Variants in NDUFV2 observed in about 807,000 individuals in gnomAD.
NDUFV2 encodes NADH:ubiquinone oxidoreductase core subunit V2, also known as NADH dehydrogenase [ubiquinone] flavoprotein 2, mitochondrial.
NDUFV2 carries 18 observed loss-of-function variants against 31.6 expected under a neutral mutation model. The ratio of observed to expected loss-of-function variants is 0.57; its 90% confidence interval spans 0.39 to 0.84. The LOEUF (loss-of-function observed/expected upper bound fraction) is 0.84, where lower values mean the gene tolerates loss of function less well. Among genes scored for constraint, NDUFV2 ranks in the 40% least tolerant of loss-of-function variants. NDUFV2 has a pLI of 0.00. For missense variants in NDUFV2, 314 were observed against 303.6 expected, an observed-to-expected ratio of 1.03 and a Z score of -0.26; for synonymous variants, 83 against 99.8, an observed-to-expected ratio of 0.83 and a Z score of 1.01.
At chr18:9,111,430 CT>C (rs960855478) in intron 1 of NDUFV2, among the ~76,000 whole-genome samples, 60 of 150,628 alleles carry the variant, frequency 4.0e-4, no homozygotes, top group African/African-American at 9.0e-4. Context: ...TGAAGTACAT[CT>C]TTTTTTTTTC....
At chr18:9,125,100 G>T in intron 6 of NDUFV2, 117 bp downstream of exon 6, 1 of 1,115,178 alleles carries the variant, frequency 9.0e-7, no homozygotes, top group Non-Finnish European at 1.3e-6. Flanking sequence ...AGAAGAAATG[G>T]TTACCATAAA....
At chr18:9,105,610 A>G (rs1227132812) in intron 1 of NDUFV2, among the ~76,000 whole-genome samples, 1 of 152,196 alleles carries the variant, frequency 6.6e-6, no homozygotes, top group Non-Finnish European at 1.5e-5. Flanking sequence ...GGCATTTTCA[A>G]TTACAGATGC....
At chr18:9,108,084 A>G (rs1442009562) in intron 1 of NDUFV2, among the ~76,000 whole-genome samples, 2 of 152,218 alleles carry the variant, frequency 1.3e-5, no homozygotes, top group Non-Finnish European at 2.9e-5. Flanking sequence ...TTAGATATCT[A>G]AAGAATGTTT....
At chr18:9,124,138 G>C (rs375762245) in intron 5 of NDUFV2, among the ~76,000 whole-genome samples, 73 of 150,496 alleles carry the variant, frequency 4.9e-4, no homozygotes, top group African/African-American at 1.7e-3. Flanking sequence ...GCTTTTAAAG[G>C]AACAAGTCCA....
At chr18:9,110,410 A>G (rs1036926535) in intron 1 of NDUFV2, among the ~76,000 whole-genome samples, 26 of 152,170 alleles carry the variant, frequency 1.7e-4, no homozygotes, top group Admixed American at 1.3e-4. Flanking sequence ...CTGTAACTTG[A>G]TAGGGATGAA....
At chr18:9,119,682 TCAGAATCTA>T in intron 4 of NDUFV2, 92 bp downstream of exon 4, 1 of 1,101,204 alleles carries the variant, frequency 9.1e-7, no homozygotes, top group South Asian at 1.3e-5. Flanking sequence ...ATCTCCAGTG[TCAGAATCTA>T]GGATTTTGGA....
chr18:9,130,449 A>T (rs933778754), intron 7 of NDUFV2, among the ~76,000 whole-genome samples: 1 of 152,156 alleles, frequency 6.6e-6, no homozygotes, highest in South Asian at 2.1e-4. Flanking sequence ...ACTACCTCTT[A>T]TTTAAAAAGC....
chr18:9,104,949 A>AC, intron 1 of NDUFV2: 1 of 1,553,396 alleles, frequency 6.4e-7, no homozygotes, highest in Non-Finnish European at 8.8e-7. Context: ...AACAGACCTT[A>AC]CAGACAATTT....
intron 5 of NDUFV2, among the ~76,000 whole-genome samples, chr18:9,122,938 A>T (rs959728002): frequency 1.3e-5 from 2 of 152,204 alleles, no homozygotes; most frequent in Non-Finnish European, 2.9e-5. Context: ...AAGTTATAAA[A>T]TATTCGTTGT....
chr18:9,128,193 G>A (rs1325606048), intron 7 of NDUFV2, among the ~76,000 whole-genome samples: 1 of 152,026 alleles, frequency 6.6e-6, no homozygotes, highest in African/African-American at 2.4e-5. Context: ...GTATTCTAAT[G>A]TTTTAAAACA....
At chr18:9,105,801 C>G (rs1191405863) in intron 1 of NDUFV2, among the ~76,000 whole-genome samples, 2 of 152,322 alleles carry the variant, frequency 1.3e-5, no homozygotes, top group East Asian at 3.9e-4. Context: ...AGCGACCCAT[C>G]TGTATTGTGT....
At chr18:9,111,909 T>C (rs2077872334) in intron 1 of NDUFV2, among the ~76,000 whole-genome samples, 1 of 151,742 alleles carries the variant, frequency 6.6e-6, no homozygotes, top group Non-Finnish European at 1.5e-5. Context: ...CCTTCAGAGG[T>C]GCTAGAATGT....
intron 7 of NDUFV2, among the ~76,000 whole-genome samples, chr18:9,131,987 T>C (rs899534268): frequency 6.6e-6 from 1 of 151,824 alleles, no homozygotes; most frequent in Non-Finnish European, 1.5e-5. Context: ...AATTATAGGC[T>C]TTATTGGAGG....
At position 9,124,904 on chromosome 18, in the gene NDUFV2, A is replaced by C; in HGVS notation, c.500A>C (p.Lys167Thr). The C allele has an allele frequency of 6.2e-7, 1 of 1,613,066 alleles. No individual in the cohort carries two copies. The change falls in exon 6 of 8, where the codon AAA (lysine) becomes ACA (threonine). Residue 167 changes from lysine (K) to threonine (T), a missense_variant. By Grantham distance (78) the Lys-to-Thr change is moderately conservative (BLOSUM62 -1). Transcript: ENST00000318388. ...GIKVGETTPD[K>T]LFTLIEVECL... ...AAGGTTGGGGAGACTACACCTGACAAACTTTTCACTCTTATAGAAGTGGAA... is the reference window on the plus strand; with the variant it reads ...AAGGTTGGGGAGACTACACCTGACACACTTTTCACTCTTATAGAAGTGGAA...
intron 6 of NDUFV2, among the ~76,000 whole-genome samples, chr18:9,125,247 A>G (rs2077978969): frequency 6.6e-6 from 1 of 152,180 alleles, no homozygotes; most frequent in Non-Finnish European, 1.5e-5. Flanking sequence ...AACTATCAGG[A>G]CTTAACTGAG....
Position 9,134,261 on chromosome 18 carries a change from T to C in NDUFV2, c.732T>C (p.Gly244=). ...AACCACCCAAGGGACCTGGATTTGG[T>C]GTACAAGCAGGCCTTTAATTTATAT... ...LTEPPKGPGF[G]VQAGL Residue 244 remains glycine, a synonymous_variant, in exon 8 of 8, where the codon GGT becomes GGC. Transcript: ENST00000318388. 6.2e-7 allele frequency: 1 copy of C among 1,612,376 alleles called. No homozygotes were observed. The highest frequency in any genetic ancestry group is 8.5e-7 in the Non-Finnish European group (1 of 1,179,502).
chr18:9,113,488 C>T (rs1266729817), intron 1 of NDUFV2, among the ~76,000 whole-genome samples: 12 of 152,196 alleles, frequency 7.9e-5, no homozygotes, highest in Non-Finnish European at 1.0e-4. Flanking sequence ...GGTCAGTAGG[C>T]AGCATGAACT....
intron 1 of NDUFV2, among the ~76,000 whole-genome samples, chr18:9,113,032 A>G (rs529067274): frequency 6.6e-6 from 1 of 152,340 alleles, no homozygotes; most frequent in East Asian, 1.9e-4. Flanking sequence ...TATTCCATAA[A>G]TACTCTACAT....
At chr18:9,118,382 A>C (rs1897691976) in intron 2 of NDUFV2, among the ~76,000 whole-genome samples, 1 of 152,128 alleles carries the variant, frequency 6.6e-6, no homozygotes, top group African/African-American at 2.4e-5. Context: ...GGAAAGGATA[A>C]GATATTATAT....
Sources: gnomAD v4.1 joint callset for allele counts (sites outside exome capture counted in the v4.1 genomes callset) on GRCh38, gnomAD v4.1.1 for gene constraint, MANE v1.5 for transcripts, NCBI Gene and HGNC (gene_info 2026-07-23, HGNC 2026-07-21) for gene names.